ZSCAN25: variants seen among roughly 807,000 people sequenced by gnomAD.
ZSCAN25 encodes zinc finger and SCAN domain containing 25.
ZSCAN25 carries 27 observed loss-of-function variants against 38.7 expected under a neutral mutation model. The observed-to-expected ratio is 0.70, with a 90% CI of 0.51 to 0.96. The LOEUF (loss-of-function observed/expected upper bound fraction) is 0.96, where lower values mean the gene tolerates loss of function less well. ZSCAN25 is among the 40% of genes least tolerant of loss of function. The pLI is 0.00. For synonymous variants in ZSCAN25, 273 were observed against 277.7 expected (o/e 0.98, Z 0.17); for missense variants, 637 against 705.9 (o/e 0.90, Z 1.11).
chr7:99,714,480 G>A, the ZSCAN25 span: 2 of 1,587,428 alleles, frequency 1.3e-6, no homozygotes, highest in Non-Finnish European at 1.7e-6. Context: ...ATACAGGGAA[G>A]TGCACCGATC....
At chr7:99,656,187 G>A in the ZSCAN25 span, among the ~76,000 whole-genome samples, 244 of 152,264 alleles carry the variant, frequency 1.6e-3, no homozygotes, top group African/African-American at 5.2e-3. Flanking sequence ...TCCAGTTTTT[G>A]TCCATTCAGT....
the ZSCAN25 span, among the ~76,000 whole-genome samples, chr7:99,651,060 T>C: frequency 2.0e-5 from 3 of 152,212 alleles, no homozygotes; most frequent in African/African-American, 7.2e-5. Context: ...TTGGAGAGCA[T>C]TCTGAAATAT....
chr7:99,661,621 C>G, the ZSCAN25 span, among the ~76,000 whole-genome samples: 2 of 152,192 alleles, frequency 1.3e-5, no homozygotes, highest in Non-Finnish European at 1.5e-5. Flanking sequence ...ACCTGGAGCA[C>G]AGAAATAAAT....
At chr7:99,670,668 A>G in the ZSCAN25 span, among the ~76,000 whole-genome samples, 1 of 152,212 alleles carries the variant, frequency 6.6e-6, no homozygotes, top group Non-Finnish European at 1.5e-5. Flanking sequence ...TGTCTTCCCA[A>G]TGACAAATAT....
chr7:99,695,876 T>G, the ZSCAN25 span: 1 of 1,585,932 alleles, frequency 6.3e-7, no homozygotes, highest in Non-Finnish European at 8.6e-7. Context: ...TCAGGGATTG[T>G]GACTTTATAG....
chr7:99,630,444 A>G lies in ZSCAN25; in HGVS notation c.*424A>G. 2.0e-6 allele frequency: 2 copies of G among 1,005,560 alleles called. No homozygotes were observed. The highest frequency in any genetic ancestry group is 2.4e-6 in the Non-Finnish European group (2 of 842,998). 62.3% of individuals were successfully genotyped at this position (1,005,560 alleles called of 1,614,324 possible). On this transcript the variant is annotated 3_prime_UTR_variant, in exon 8 of 8. Transcript: ENST00000394152. ...CCACCCCCTCTCTTTTCCATTGAAC[A>G]AACATTTATTGAACATCCTCTGAGC...
the ZSCAN25 span, chr7:99,714,534 A>G: frequency 4.0e-5 from 65 of 1,611,572 alleles, no homozygotes; most frequent in Admixed American, 1.0e-4. Context: ...ACATCCTCCT[A>G]TAACTACCAC....
At chr7:99,732,069 A>G in the ZSCAN25 span, among the ~76,000 whole-genome samples, 5 of 152,106 alleles carry the variant, frequency 3.3e-5, no homozygotes, top group African/African-American at 4.8e-5. Flanking sequence ...GTAATCCCCA[A>G]TTCTGGAAGT....
chr7:99,648,102 G>A, the ZSCAN25 span: 1 of 1,178,662 alleles, frequency 8.5e-7, no homozygotes, highest in Non-Finnish European at 1.1e-6. Flanking sequence ...TCACTTACCT[G>A]GTCACCTCCT....
At chr7:99,714,354 C>G in the ZSCAN25 span, among the ~76,000 whole-genome samples, 2 of 152,226 alleles carry the variant, frequency 1.3e-5, no homozygotes, top group East Asian at 3.9e-4. Flanking sequence ...TTTAAGTGCT[C>G]TCTCTGACTC....
At chr7:99,657,989 G>A in the ZSCAN25 span, among the ~76,000 whole-genome samples, 24 of 152,288 alleles carry the variant, frequency 1.6e-4, no homozygotes, top group African/African-American at 5.8e-4. Flanking sequence ...TTGCACGTGA[G>A]ATGGGTTTCC....
the ZSCAN25 span, chr7:99,638,419 T>C: frequency 6.3e-7 from 1 of 1,580,224 alleles, no homozygotes; most frequent in Non-Finnish European, 8.7e-7. Flanking sequence ...AAGATGAGGA[T>C]TATGGCATCC....
the ZSCAN25 span, among the ~76,000 whole-genome samples, chr7:99,693,347 G>C: frequency 2.6e-4 from 40 of 152,180 alleles, no homozygotes; most frequent in African/African-American, 9.2e-4. Context: ...AGGCTACAGG[G>C]GGGTCAGGAA....
At chr7:99,648,046 T>C in the ZSCAN25 span, 3 of 1,090,918 alleles carry the variant, frequency 2.7e-6, no homozygotes, top group East Asian at 5.6e-5. Context: ...TAGAGGTGGG[T>C]AGAGGTAGTC....
At chr7:99,661,121 T>C in the ZSCAN25 span, among the ~76,000 whole-genome samples, 4 of 152,210 alleles carry the variant, frequency 2.6e-5, no homozygotes, top group Admixed American at 2.0e-4. Flanking sequence ...GAATTTGCAA[T>C]ATTTAGGACC....
the ZSCAN25 span, chr7:99,663,966 A>G: frequency 2.5e-6 from 4 of 1,581,504 alleles, no homozygotes; most frequent in East Asian, 2.3e-5. Context: ...ATCAGATTTT[A>G]CCTTTTGTTT....
At chr7:99,639,605 A>G in the ZSCAN25 span, among the ~76,000 whole-genome samples, 3 of 152,318 alleles carry the variant, frequency 2.0e-5, no homozygotes, top group East Asian at 3.9e-4. Context: ...GCAGCCAATT[A>G]CAGGCTCTTT....
At position 99,629,696 on chromosome 7, in the gene ZSCAN25, G is replaced by T; in HGVS notation, c.1311G>T (p.Trp437Cys). 1 of 1,614,134 alleles carries T rather than the reference G, an allele frequency of 6.2e-7. No homozygotes were observed. The highest frequency in any genetic ancestry group is 8.5e-7 in the Non-Finnish European group (1 of 1,180,030). Residue 437 changes from tryptophan (W) to cysteine (C), a missense_variant, in exon 8 of 8, where the codon TGG (tryptophan) becomes TGT (cysteine). Transcript: ENST00000394152. This position sits in a 1 kb window ranked among gnomAD's most constrained non-coding sequence, Gnocchi z 5.6. The part of the protein sequence containing the change: ...GEKPYKCGDC[W>C]KSFSRRQHLQ... ...AGCCCTACAAGTGCGGGGACTGCTG[G>T]AAGAGCTTCAGCCGCAGGCAGCACC...
At chr7:99,618,966 G>C (rs1806697403) in intron 2 of ZSCAN25, 82 bp from the exon 3 acceptor site, 1 of 152,266 alleles carries the variant, frequency 6.6e-6, no homozygotes, top group South Asian at 2.1e-4. Flanking sequence ...CCTTGAGTCA[G>C]CCTGGTATCA....
Sources: allele counts gnomAD v4.1 joint callset (sites outside exome capture counted in the v4.1 genomes callset), GRCh38; gene constraint gnomAD v4.1.1; non-coding constraint Gnocchi (gnomAD v3.1); transcripts MANE v1.5; gene names NCBI Gene and HGNC (gene_info 2026-07-23, HGNC 2026-07-21).